Variants in MAMDC2 observed in about 807,000 individuals in gnomAD.
MAMDC2 encodes MAM domain containing 2.
MAMDC2 carries 57 observed loss-of-function variants against 89.8 expected under a neutral mutation model. The observed-to-expected ratio is 0.63, with a 90% confidence interval of 0.51 to 0.79. MAMDC2 has a LOEUF of 0.79. Among genes scored for constraint, MAMDC2 ranks in the 30% least tolerant of loss-of-function variants. The pLI, the probability that MAMDC2 is intolerant of heterozygous loss-of-function variation, is 0.00. For synonymous variants in MAMDC2, 313 were observed against 293.4 expected, an observed-to-expected ratio of 1.07 and a Z score of -0.68; for missense variants, 800 against 820.6, an observed-to-expected ratio of 0.97 and a Z score of 0.31.
chr9:70,122,295 G>T (rs1563963835), intron 5 of MAMDC2, among the ~76,000 whole-genome samples: 4 of 152,200 alleles, frequency 2.6e-5, no homozygotes, highest in Admixed American at 1.3e-4. Flanking sequence ...TTTTGGATCA[G>T]AAATGTGACT....
chr9:70,087,394 G>T (rs1450497470), intron 2 of MAMDC2: 1 of 152,132 alleles, frequency 6.6e-6, no homozygotes, highest in Non-Finnish European at 1.5e-5. Context: ...CTGTGTTGTT[G>T]TGCTGGCTTC....
At chr9:70,165,177 T>C (rs2032132011) in intron 9 of MAMDC2, among the ~76,000 whole-genome samples, 1 of 152,166 alleles carries the variant, frequency 6.6e-6, no homozygotes, top group Non-Finnish European at 1.5e-5. Flanking sequence ...TGTTCTTAAC[T>C]GGACCCAGAG....
chr9:70,204,371 G>T (rs10868692), intron 11 of MAMDC2, among the ~76,000 whole-genome samples: 112,170 of 145,612 alleles, frequency 0.77, 43,042 homozygotes, highest in Admixed American at 0.81. Flanking sequence ...GCTGCTCGGG[G>T]GTCAGGGGTC....
chr9:70,179,458 A>G (rs1304586506), intron 11 of MAMDC2, among the ~76,000 whole-genome samples: 1 of 151,622 alleles, frequency 6.6e-6, no homozygotes, highest in African/African-American at 2.4e-5. Flanking sequence ...CGGAAGGCGG[A>G]GCTTGCAGTG....
chr9:70,190,776 G>C (rs945014320), intron 11 of MAMDC2, among the ~76,000 whole-genome samples: 14 of 152,156 alleles, frequency 9.2e-5, no homozygotes. Flanking sequence ...GATTGTTTTT[G>C]ATAAATGCCA....
At chr9:70,155,206 C>G (rs779758416) in intron 9 of MAMDC2, among the ~76,000 whole-genome samples, 4 of 152,150 alleles carry the variant, frequency 2.6e-5, no homozygotes, top group Non-Finnish European at 5.9e-5. Context: ...TGCATCTCAT[C>G]TCTTGTTGAC....
intron 12 of MAMDC2, among the ~76,000 whole-genome samples, chr9:70,223,132 CAAAAAAA>C (rs57177475): frequency 8.4e-6 from 1 of 119,068 alleles, no homozygotes; most frequent in Non-Finnish European, 1.7e-5. Context: ...GACTCTGTCT[CAAAAAAA>C]AAAAAAAAAA....
At chr9:70,079,625 T>G (rs867595) in intron 2 of MAMDC2, among the ~76,000 whole-genome samples, 29,010 of 152,126 alleles carry the variant, frequency 0.19, 3,982 homozygotes, top group African/African-American at 0.39. Flanking sequence ...TAATTGCTTC[T>G]AAACTGCACA....
At position 70,218,373 on chromosome 9, in the gene MAMDC2, A is replaced by G. The variant is rs754249614; in HGVS notation, c.1688A>G (p.Tyr563Cys). 2 of 1,614,164 alleles carry G rather than the reference A, an allele frequency of 1.2e-6. No homozygotes were observed. The highest frequency in any genetic ancestry group is 8.5e-7 in the Non-Finnish European group (1 of 1,180,018). Residue 563 changes from tyrosine (Y) to cysteine (C), a missense_variant, in exon 12 of 14, where the codon TAT (tyrosine) becomes TGT (cysteine). Tyr to Cys is a radical substitution (Grantham distance 194, BLOSUM62 -2). Transcript: ENST00000377182. ...YMYIEASHMV[Y>C]GQKARLLSRP... is the part of the protein sequence containing the mutation. Reference sequence around the variant, plus strand: ...TACATTGAGGCCTCCCATATGGTGTATGGACAAAAAGCACGCCTCTTGTCC... The same window carrying G: ...TACATTGAGGCCTCCCATATGGTGTGTGGACAAAAAGCACGCCTCTTGTCC...
chr9:70,165,514 G>A (rs933859295), intron 9 of MAMDC2, among the ~76,000 whole-genome samples: 1 of 152,156 alleles, frequency 6.6e-6, no homozygotes, highest in Non-Finnish European at 1.5e-5. Flanking sequence ...CTAACCTTAG[G>A]GATCTTTTAT....
At chr9:70,066,793 A>G (rs1354581648) in intron 2 of MAMDC2, among the ~76,000 whole-genome samples, 1 of 152,230 alleles carries the variant, frequency 6.6e-6, no homozygotes, top group Non-Finnish European at 1.5e-5. Context: ...GATGGGTCAC[A>G]GTAGAGATAA....
chr9:70,059,637 A>G (rs1827102198), intron 2 of MAMDC2, among the ~76,000 whole-genome samples: 1 of 152,198 alleles, frequency 6.6e-6, no homozygotes, highest in African/African-American at 2.4e-5. Context: ...CAGTTTCAAT[A>G]AAGTACAGGT....
intron 2 of MAMDC2, among the ~76,000 whole-genome samples, chr9:70,085,615 A>T (rs1419669146): frequency 6.6e-6 from 1 of 151,820 alleles, no homozygotes; most frequent in Non-Finnish European, 1.5e-5. Flanking sequence ...AAATCCTGAG[A>T]TGTGTTCTGA....
chr9:70,171,334 A>AC (rs2032337237), intron 11 of MAMDC2, among the ~76,000 whole-genome samples: 1 of 61,656 alleles, frequency 1.6e-5, no homozygotes, highest in Non-Finnish European at 3.7e-5. Flanking sequence ...CTCTATCTTG[A>AC]CAATTTTTTT....
chr9:70,148,074 T>C (rs2031463567), intron 9 of MAMDC2: 1 of 150,484 alleles, frequency 6.6e-6, no homozygotes, highest in African/African-American at 2.5e-5. Flanking sequence ...TTTGGCTTCC[T>C]ATTGCTTTTA....
At chr9:70,148,045 CCCT>C (rs1428543298) in intron 9 of MAMDC2, 1 of 150,328 alleles carries the variant, frequency 6.7e-6, no homozygotes, top group Admixed American at 6.7e-5. Flanking sequence ...CGTGCTGCAA[CCCT>C]CCTCTGCAGG....
chr9:70,118,689 C>T (rs893936616), intron 5 of MAMDC2, among the ~76,000 whole-genome samples: 2 of 152,142 alleles, frequency 1.3e-5, no homozygotes, highest in African/African-American at 2.4e-5. Context: ...ATTCATATAC[C>T]GGACGCAGCT....
chr9:70,090,651 AC>A (rs2118174343), intron 2 of MAMDC2: 1 of 152,290 alleles, frequency 6.6e-6, no homozygotes, highest in East Asian at 1.9e-4. Flanking sequence ...CATTGTTTCT[AC>A]CAACATAAAT....
chr9:70,113,609 C>CT, intron 5 of MAMDC2: 1 of 154,046 alleles, frequency 6.5e-6, no homozygotes, highest in East Asian at 1.9e-4. Flanking sequence ...ACAGGCCCCC[C>CT]TAGTGGCCAA....
Sources: allele counts gnomAD v4.1 joint callset (sites outside exome capture counted in the v4.1 genomes callset), GRCh38; gene constraint gnomAD v4.1.1; transcripts MANE v1.5; gene names NCBI Gene and HGNC (gene_info 2026-07-23, HGNC 2026-07-21).